Variants in PARD3B observed in about 807,000 individuals in gnomAD.
PARD3B encodes the protein par-3 family cell polarity regulator beta.
A neutral mutation model predicts 130.2 loss-of-function variants in PARD3B; 103 were observed. The observed-to-expected ratio is 0.79, with a 90% CI of 0.67 to 0.93. PARD3B has a LOEUF of 0.93. PARD3B is among the 40% of genes least tolerant of loss of function. The pLI, the probability that PARD3B is intolerant of heterozygous loss-of-function variation, is 0.00. For missense variants in PARD3B, 1,609 were observed against 1,499.2 expected, an observed-to-expected ratio of 1.07 and a Z score of -1.21; for synonymous variants, 583 against 553.2, an observed-to-expected ratio of 1.05 and a Z score of -0.76.
rs150114663 is a variant in PARD3B, at chr2:205,217,474, G to A, written c.2140+24154G>A. Reference sequence around the variant, plus strand: ...CAATTATATTTAAGCTGGAACAGAGGATAAGAAGTGAGAGTTGCTTGAGAG... The same window carrying A: ...CAATTATATTTAAGCTGGAACAGAGAATAAGAAGTGAGAGTTGCTTGAGAG... On this transcript the variant is annotated intron_variant, in intron 15 of 22. Coordinates refer to ENST00000406610, the MANE Select transcript of PARD3B (RefSeq NM_001302769.2). Among the ~76,000 whole-genome samples the A allele has an allele frequency of 2.6e-3, 403 of 152,216 alleles. 1 individual carries two copies. The highest frequency in any genetic ancestry group is 9.4e-3 in the African/African-American group (391 of 41,544).
chr2:205,387,651 T>G (rs1305350147), intron 18 of PARD3B, among the ~76,000 whole-genome samples: 4 of 152,196 alleles, frequency 2.6e-5, no homozygotes, highest in African/African-American at 7.2e-5. Context: ...GCACAAATAC[T>G]GTGGGTTTCT....
intron 20 of PARD3B, among the ~76,000 whole-genome samples, chr2:205,497,922 A>G (rs2049996567): frequency 6.6e-6 from 1 of 151,930 alleles, no homozygotes; most frequent in African/African-American, 2.4e-5. Flanking sequence ...CATGCCTGTA[A>G]TCCTAGCACT....
At chr2:205,471,353 CTT>C (rs769669913) in intron 20 of PARD3B, among the ~76,000 whole-genome samples, 2 of 85,406 alleles carry the variant, frequency 2.3e-5, no homozygotes, top group African/African-American at 9.4e-5. Flanking sequence ...ACTCACTTTT[CTT>C]TTTTTTTTTT....
intron 2 of PARD3B, among the ~76,000 whole-genome samples, chr2:204,885,383 C>G (rs1192912840): frequency 6.6e-6 from 1 of 152,050 alleles, no homozygotes; most frequent in East Asian, 1.9e-4. Context: ...AGATCTTTGT[C>G]AGATGGATAG....
At position 205,272,800 on chromosome 2, in the gene PARD3B, C is replaced by T. The variant is rs755200407; in HGVS notation, c.2185+26978C>T. ...AAATAATAGCTGTCCAAAAACTTAA[C>T]CTCAGATGCTTCATCCGTGTCTTAT... On this transcript the variant is annotated intron_variant, in intron 16 of 22. Coordinates refer to ENST00000406610, the MANE Select transcript of PARD3B (RefSeq NM_001302769.2). Among the ~76,000 whole-genome samples, 29 of 152,176 alleles carry T rather than the reference C, an allele frequency of 1.9e-4. 1 individual carries two copies. Among genetic ancestry groups the T allele is most frequent in the Non-Finnish European group, 3.7e-4 (25 of 68,042 alleles).
intron 1 of PARD3B, among the ~76,000 whole-genome samples, chr2:204,659,535 C>T (rs2035734883): frequency 6.6e-6 from 1 of 152,144 alleles, no homozygotes; most frequent in Non-Finnish European, 1.5e-5. Flanking sequence ...AGCATCGTGG[C>T]TCAGATCCAG....
chr2:205,037,972 T>C (rs890750872), intron 3 of PARD3B, among the ~76,000 whole-genome samples: 5 of 152,186 alleles, frequency 3.3e-5, no homozygotes, highest in African/African-American at 1.2e-4. Flanking sequence ...AATCTGCATC[T>C]GGGCATTCCA....
intron 19 of PARD3B, among the ~76,000 whole-genome samples, chr2:205,428,160 A>G (rs1310689856): frequency 1.3e-5 from 2 of 152,092 alleles, no homozygotes; most frequent in African/African-American, 2.4e-5. Flanking sequence ...AGGCAGGTTG[A>G]TCGCTTGACC....
chr2:205,336,407 T>C (rs907276495), intron 18 of PARD3B, among the ~76,000 whole-genome samples: 3 of 152,246 alleles, frequency 2.0e-5, no homozygotes, highest in African/African-American at 7.2e-5. Flanking sequence ...TCTGATCTTA[T>C]TTCCCCAGGG....
At chr2:205,491,505 C>T (rs945883100) in intron 20 of PARD3B, among the ~76,000 whole-genome samples, 1 of 152,154 alleles carries the variant, frequency 6.6e-6, no homozygotes, top group African/African-American at 2.4e-5. Context: ...GTTTTGTTTA[C>T]TGTAGCCTTG....
rs140067903 is a variant in PARD3B at position 205,425,210 on chromosome 2, C to T, written c.2742-15160C>T. On this transcript the variant is annotated intron_variant, in intron 19 of 22. Coordinates refer to ENST00000406610, the MANE Select transcript of PARD3B (RefSeq NM_001302769.2). ...CATAAGCACTCTGTAGGTTGTTCCCCGTCACATCCCCACCTCTCTTTGGGG... is the reference window on the plus strand; with the variant it reads ...CATAAGCACTCTGTAGGTTGTTCCCTGTCACATCCCCACCTCTCTTTGGGG... Among the ~76,000 whole-genome samples the T allele has an allele frequency of 5.3e-5, 8 of 152,198 alleles. No individual in the cohort carries two copies. In the East Asian group the frequency reaches 1.3e-3, roughly 26 times the overall value.
Position 204,610,815 on chromosome 2 carries a change from A to G in PARD3B, c.120+64696A>G, listed in dbSNP as rs1223846054. 6.6e-6 allele frequency among the ~76,000 whole-genome samples: 1 copy of G among 152,224 alleles called. No individual in the cohort carries two copies. Among genetic ancestry groups the G allele is most frequent in the African/African-American group, 2.4e-5 (1 of 41,456 alleles). On this transcript the variant is annotated intron_variant, in intron 1 of 22. Transcript: ENST00000406610. This position sits in a 1 kb window ranked among gnomAD's most constrained non-coding sequence, Gnocchi z 4.1. The stretch of plus-strand genomic sequence containing the variant: ...TTCCAATCCATGTTACAGCTGTCCA[A>G]CAATTGGAAGTATTTATTATTTACA...
intron 18 of PARD3B, among the ~76,000 whole-genome samples, chr2:205,368,355 G>A (rs930161871): frequency 1.1e-4 from 16 of 152,088 alleles, no homozygotes; most frequent in Admixed American, 6.6e-4. Flanking sequence ...AAAATAGGCC[G>A]GGTTTGGTGG....
At chr2:205,218,901 G>A (rs527556405) in intron 15 of PARD3B, among the ~76,000 whole-genome samples, 13 of 152,232 alleles carry the variant, frequency 8.5e-5, no homozygotes, top group South Asian at 6.2e-4. Flanking sequence ...CCAACATGGT[G>A]AAACTCCATC....
chr2:205,261,863 T>C (rs2040326781), intron 16 of PARD3B, among the ~76,000 whole-genome samples: 1 of 152,150 alleles, frequency 6.6e-6, no homozygotes, highest in South Asian at 2.1e-4. Context: ...AGATACTAAT[T>C]AGAATTCTTT....
chr2:204,577,793 C>T (rs1398274021), intron 1 of PARD3B, among the ~76,000 whole-genome samples: 2 of 151,996 alleles, frequency 1.3e-5, no homozygotes, highest in Non-Finnish European at 2.9e-5. Context: ...GTCTCAAACT[C>T]CTGGCCTCAA....
intron 2 of PARD3B, among the ~76,000 whole-genome samples, chr2:204,930,721 A>G (rs1687968268): frequency 1.3e-5 from 2 of 151,988 alleles, no homozygotes; most frequent in Admixed American, 6.6e-5. Context: ...ACCATTTACT[A>G]TATTCATCTT....
At chr2:205,298,496 A>ATT (rs11287551) in intron 16 of PARD3B, among the ~76,000 whole-genome samples, 105 of 149,936 alleles carry the variant, frequency 7.0e-4, no homozygotes, top group African/African-American at 2.2e-3. Context: ...AATTTTTTGT[A>ATT]TTTTTTTTTT....
intron 3 of PARD3B, among the ~76,000 whole-genome samples, chr2:204,977,201 G>A (rs1692251174): frequency 1.3e-5 from 2 of 151,624 alleles, no homozygotes; most frequent in African/African-American, 2.4e-5. Context: ...TTCATAGAAG[G>A]GTAATTGCTT....
Sources: allele counts gnomAD v4.1 joint callset (sites outside exome capture counted in the v4.1 genomes callset), GRCh38; gene constraint gnomAD v4.1.1; non-coding constraint Gnocchi (gnomAD v3.1); transcripts MANE v1.5; gene names NCBI Gene and HGNC (gene_info 2026-07-23, HGNC 2026-07-21).